SNX29: variants seen among roughly 807,000 people sequenced by gnomAD.
SNX29 encodes sorting nexin-29.
Under a neutral mutation model 102.1 loss-of-function variants are expected in SNX29, and 78 were observed. The observed-to-expected ratio is 0.76, with a 90% CI of 0.64 to 0.92. The LOEUF (loss-of-function observed/expected upper bound fraction) is 0.92. Ranked by LOEUF, SNX29 falls within the 40% of genes least tolerant of loss-of-function variation. The pLI is 0.00. For synonymous variants in SNX29, 580 were observed against 414.5 expected, an observed-to-expected ratio of 1.40 and a Z score of -4.85; for missense variants, 1,280 against 1,061.7, an observed-to-expected ratio of 1.21 and a Z score of -2.86.
chr16:12,514,049 C>A (rs1286190912), intron 19 of SNX29, among the ~76,000 whole-genome samples: 1 of 152,212 alleles, frequency 6.6e-6, no homozygotes, highest in African/African-American at 2.4e-5. Context: ...CCGTGGATTG[C>A]GGCTTGCTCC....
chr16:12,327,553 G>A (rs1262925555), intron 15 of SNX29, among the ~76,000 whole-genome samples: 2 of 152,130 alleles, frequency 1.3e-5, no homozygotes, highest in African/African-American at 2.4e-5. Flanking sequence ...GTCGTGTTGG[G>A]TTAGGGCCCA....
chr16:12,207,683 C>T (rs535957869), intron 14 of SNX29, among the ~76,000 whole-genome samples: 4 of 152,276 alleles, frequency 2.6e-5, no homozygotes, highest in African/African-American at 9.6e-5. Context: ...TATGCTTGCT[C>T]AGGCCAGATG....
chr16:12,143,266 G>A (rs1329346596), intron 13 of SNX29, among the ~76,000 whole-genome samples: 1 of 152,112 alleles, frequency 6.6e-6, no homozygotes, highest in Admixed American at 6.5e-5. Context: ...CAAAGTGCTG[G>A]GATTACAGGC....
intron 16 of SNX29, among the ~76,000 whole-genome samples, chr16:12,379,244 C>G (rs1325916553): frequency 6.6e-6 from 1 of 152,162 alleles, no homozygotes; most frequent in African/African-American, 2.4e-5. Context: ...TAAAATTATC[C>G]TCCCACTTCA....
chr16:12,422,647 T>G (rs1410192163), intron 18 of SNX29, among the ~76,000 whole-genome samples: 3 of 152,152 alleles, frequency 2.0e-5, no homozygotes, highest in Non-Finnish European at 2.9e-5. Flanking sequence ...TCGTCCCATC[T>G]CCACTGTCCC....
At chr16:12,324,123 C>T (rs901949961) in intron 15 of SNX29, among the ~76,000 whole-genome samples, 5 of 151,992 alleles carry the variant, frequency 3.3e-5, no homozygotes, top group African/African-American at 1.2e-4. Context: ...TATAAACTTT[C>T]ACATGAGACT....
At chr16:12,299,295 G>A (rs1445735926) in intron 15 of SNX29, among the ~76,000 whole-genome samples, 5 of 151,422 alleles carry the variant, frequency 3.3e-5, no homozygotes, top group East Asian at 1.9e-4. Context: ...GTGAGACTCC[G>A]TCTCAAAAAA....
chr16:12,202,202 T>G (rs959081577), intron 14 of SNX29, among the ~76,000 whole-genome samples: 3 of 152,214 alleles, frequency 2.0e-5, no homozygotes, highest in Admixed American at 1.3e-4. Context: ...GAATAAACAT[T>G]GGCAACCTTT....
intron 11 of SNX29, among the ~76,000 whole-genome samples, chr16:12,101,873 C>T (rs981066906): frequency 1.1e-4 from 17 of 152,074 alleles, no homozygotes; most frequent in African/African-American, 2.9e-4. Context: ...CCCATCAGCC[C>T]GTCATCTACA....
At chr16:12,450,624 G>C (rs574070756) in intron 18 of SNX29, among the ~76,000 whole-genome samples, 1 of 152,162 alleles carries the variant, frequency 6.6e-6, no homozygotes, top group African/African-American at 2.4e-5. Context: ...CCCGGAGAGT[G>C]GTCAGGCCAC....
At chr16:12,355,741 G>A (rs2082111317) in intron 15 of SNX29, among the ~76,000 whole-genome samples, 2 of 151,534 alleles carry the variant, frequency 1.3e-5, no homozygotes, top group South Asian at 2.1e-4. Flanking sequence ...GCCCAAATGG[G>A]TTGCATGTGG....
chr16:12,457,684 G>A (rs776955194), intron 18 of SNX29, among the ~76,000 whole-genome samples: 10 of 152,208 alleles, frequency 6.6e-5, no homozygotes, highest in South Asian at 2.1e-4. Flanking sequence ...AATGGCACAC[G>A]TTAGCCTCTG....
intron 20 of SNX29, among the ~76,000 whole-genome samples, chr16:12,535,965 A>G (rs1268667545): frequency 6.6e-6 from 1 of 151,970 alleles, no homozygotes; most frequent in Non-Finnish European, 1.5e-5. Context: ...GAGAGCTTTG[A>G]CCCCGGCTGA....
At chr16:12,006,095 T>C (rs1042809749) in intron 3 of SNX29, among the ~76,000 whole-genome samples, 7 of 152,100 alleles carry the variant, frequency 4.6e-5, no homozygotes, top group Non-Finnish European at 1.0e-4. Flanking sequence ...TCTCATTGCT[T>C]TGGGAGGCTG....
chr16:12,466,235 T>C (rs1239637914), intron 18 of SNX29, among the ~76,000 whole-genome samples: 1 of 152,166 alleles, frequency 6.6e-6, no homozygotes, highest in Non-Finnish European at 1.5e-5. Flanking sequence ...TCATGTCATA[T>C]AGAAAACCTT....
At chr16:12,489,323 G>A (rs1338088394) in intron 19 of SNX29, among the ~76,000 whole-genome samples, 1 of 151,650 alleles carries the variant, frequency 6.6e-6, no homozygotes, top group Admixed American at 6.6e-5. Flanking sequence ...GTTGCCACCA[G>A]TTGGTTATTT....
At chr16:12,491,705 G>T (rs527897695) in intron 19 of SNX29, among the ~76,000 whole-genome samples, 2 of 152,094 alleles carry the variant, frequency 1.3e-5, no homozygotes, top group South Asian at 2.1e-4. Context: ...ACAGTCCCCG[G>T]TGTGTGATGT....
At chr16:12,313,072 G>A (rs560278680) in intron 15 of SNX29, among the ~76,000 whole-genome samples, 3 of 151,834 alleles carry the variant, frequency 2.0e-5, no homozygotes, top group African/African-American at 7.2e-5. Context: ...TGGAGTGAGT[G>A]GGGCGATCTC....
At chr16:12,014,039 C>T (rs1276791030) in intron 3 of SNX29, among the ~76,000 whole-genome samples, 2 of 152,028 alleles carry the variant, frequency 1.3e-5, no homozygotes, top group African/African-American at 4.8e-5. Context: ...TCAAGTGATC[C>T]TCCCTCCTCA....
Sources: gnomAD v4.1 joint callset for allele counts (sites outside exome capture counted in the v4.1 genomes callset) on GRCh38, gnomAD v4.1.1 for gene constraint, MANE v1.5 for transcripts, NCBI Gene and HGNC (gene_info 2026-07-23, HGNC 2026-07-21) for gene names.